The following PLXNA1 variants were observed in gnomAD, a reference collection of about 807,000 sequenced individuals.
PLXNA1 encodes plexin A1.
In PLXNA1, 77 loss-of-function variants were observed where a neutral mutation model predicts 191.7. The ratio of observed to expected loss-of-function variants is 0.40; its 90% CI spans 0.33 to 0.49. The LOEUF is 0.49. Among genes scored for constraint, PLXNA1 ranks in the 20% least tolerant of loss-of-function variants. The pLI is 0.63. For missense variants in PLXNA1, 2,110 were observed against 2,660.2 expected, an observed-to-expected ratio of 0.79 and a Z score of 4.55; for synonymous variants, 1,137 against 1,156.4, an observed-to-expected ratio of 0.98 and a Z score of 0.34.
intron 1 of PLXNA1, among the ~76,000 whole-genome samples, chr3:126,986,677 G>A (rs116712946): frequency 1.1e-3 from 168 of 152,284 alleles, no homozygotes; most frequent in Middle Eastern, 6.8e-3. Context: ...CATTCTGGCC[G>A]GGAGAATGGG....
Position 127,014,409 on chromosome 3 carries a change from C to A in PLXNA1, c.2604+34C>A, listed in dbSNP as rs781147013. ...CCCAGCCCTGCCCCCACACCCCATG[C>A]CCCGCCCTGCACCACCGCACACCCT... On this transcript the variant is annotated intron_variant, in intron 12 of 31. Transcript: ENST00000393409. 3.8e-6 allele frequency: 6 copies of A among 1,568,936 alleles called. No homozygotes were observed. In the Admixed American group the frequency reaches 5.3e-5, roughly 14 times the overall value.
chr3:127,006,942 G>A (rs982644388), intron 8 of PLXNA1, among the ~76,000 whole-genome samples: 3 of 152,238 alleles, frequency 2.0e-5, no homozygotes, highest in African/African-American at 7.2e-5. Context: ...CTCAGAGACA[G>A]GAGGTGCGTG....
chr3:127,029,558 G>A (rs752688050), intron 27 of PLXNA1, 22 bp downstream of exon 27: 27 of 1,608,724 alleles, frequency 1.7e-5, no homozygotes, highest in African/African-American at 2.7e-5. Flanking sequence ...GGCAGCGGGC[G>A]AGAGGGCAGC....
chr3:127,005,291 G>A (rs1198807747), intron 7 of PLXNA1, 48 bp downstream of exon 7: 3 of 1,559,032 alleles, frequency 1.9e-6, no homozygotes, highest in African/African-American at 2.7e-5. Flanking sequence ...CAGGTCCAGG[G>A]CTGCAATCCA....
Position 127,034,404 on chromosome 3 carries a change from G to A in PLXNA1, c.*387G>A, listed in dbSNP as rs2079228987. 5.7e-6 allele frequency: 1 copy of A among 175,880 alleles called. No homozygotes were observed. Among genetic ancestry groups the A allele is most frequent in the Non-Finnish European group, 1.2e-5 (1 of 83,666 alleles). 10.9% of individuals were successfully genotyped at this position (175,880 alleles called of 1,614,324 possible). On this transcript the variant is annotated 3_prime_UTR_variant, in exon 32 of 32. Coordinates refer to ENST00000393409, the MANE Select transcript of PLXNA1 (RefSeq NM_032242.4). Reference sequence around the variant, plus strand: ...GGTAGCCAGCTTGGGCTGTCCCCTTGAGACCAGGACAAGAGGCTGGGGGTG... The same window carrying A: ...GGTAGCCAGCTTGGGCTGTCCCCTTAAGACCAGGACAAGAGGCTGGGGGTG...
intron 3 of PLXNA1, among the ~76,000 whole-genome samples, chr3:126,995,854 C>G (rs943668464): frequency 4.6e-5 from 7 of 152,212 alleles, no homozygotes; most frequent in African/African-American, 9.6e-5. Context: ...TTGGGTGCAT[C>G]TGGGCATACC....
intron 2 of PLXNA1, among the ~76,000 whole-genome samples, chr3:126,990,496 G>A (rs1054514770): frequency 6.6e-6 from 1 of 152,228 alleles, no homozygotes; most frequent in African/African-American, 2.4e-5. Flanking sequence ...GGCTCAGAGG[G>A]CACGGGCCTT....
intron 27 of PLXNA1, 26 bp from the exon 28 acceptor site, chr3:127,029,848 C>T (rs138213385): frequency 2.0e-5 from 32 of 1,572,550 alleles, no homozygotes; most frequent in Middle Eastern, 1.9e-4. Context: ...CCAGCCAACG[C>T]GGGCGCTGAC....
Position 127,005,194 on chromosome 3 carries a change from C to T in PLXNA1, c.1848C>T (p.His616=). 6.2e-7 allele frequency: 1 copy of T among 1,612,104 alleles called. No individual in the cohort carries two copies. Among genetic ancestry groups the T allele is most frequent in the Non-Finnish European group, 8.5e-7 (1 of 1,179,724 alleles). The change falls in exon 7 of 32, where the codon CAC becomes CAT. Residue 616 remains histidine, a synonymous_variant. Coordinates refer to ENST00000393409, the MANE Select transcript of PLXNA1 (RefSeq NM_032242.4). ...SESVLEDGRI[H]CRSPSAREVA... Reference sequence around the variant, plus strand: ...GCGTCCTGGAGGATGGCCGGATCCACTGCCGCTCACCCTCCGCCCGGGAGG... The same window carrying T: ...GCGTCCTGGAGGATGGCCGGATCCATTGCCGCTCACCCTCCGCCCGGGAGG...
Position 127,014,351 on chromosome 3 carries a change from C to T in PLXNA1, c.2580C>T (p.Arg860=), listed in dbSNP as rs769364675. ...SWMHARHGSS[R]CTDPKILKLS... is the part of the protein sequence containing the mutation. ...TGCACGCGCGTCACGGCAGCAGTCGCTGCACCGACCCCAAGATCCTCAAGG... is the reference window on the plus strand; with the variant it reads ...TGCACGCGCGTCACGGCAGCAGTCGTTGCACCGACCCCAAGATCCTCAAGG... Residue 860 remains arginine (R), a synonymous_variant, in exon 12 of 32, where the codon CGC becomes CGT. Transcript: ENST00000393409. The T allele has an allele frequency of 1.3e-6, 2 of 1,594,188 alleles. No individual in the cohort carries two copies. The highest frequency in any genetic ancestry group is 1.7e-5 in the Admixed American group (1 of 59,370).
rs1346443256 is a variant in PLXNA1 at position 127,017,005 on chromosome 3, C to T, written c.3244C>T (p.Arg1082Trp). 6 of 1,613,524 alleles carry T rather than the reference C, an allele frequency of 3.7e-6. No individual in the cohort carries two copies. The highest frequency in any genetic ancestry group is 4.2e-6 in the Non-Finnish European group (5 of 1,179,946). Residue 1082 changes from arginine to tryptophan, a missense_variant, in exon 17 of 32, where the codon CGG becomes TGG. By Grantham distance (101) the Arg-to-Trp change is moderately radical. Transcript: ENST00000393409. ...NLATVREPRIRAKYGGIEREN... is the reference protein window; with the variant it reads ...NLATVREPRIWAKYGGIEREN... ...GGCCACTGTCCGTGAACCCCGAATC[C>T]GGGCCAAGTATGGAGGCATTGAGAG...
chr3:127,008,661 C>T (rs757163347), intron 9 of PLXNA1, among the ~76,000 whole-genome samples: 19 of 152,204 alleles, frequency 1.2e-4, no homozygotes, highest in East Asian at 1.9e-4. Flanking sequence ...GTGGACACTC[C>T]GCCTGTTGGC....
chr3:127,028,131 C>T lies in PLXNA1; in HGVS notation c.4509+45C>T, dbSNP rs746005683. ...GTCCTGGGTGCCCTGGTGCCCCCCA[C>T]CCCCCAGTTGTGGGGCTGACGCTGC... On this transcript the variant is annotated intron_variant, in intron 24 of 31. Transcript: ENST00000393409. 2.0e-5 allele frequency: 33 copies of T among 1,612,470 alleles called. No homozygotes were observed. In the Middle Eastern group the frequency reaches 8.2e-4, roughly 40 times the overall value.
At chr3:127,001,814 ACT>A (rs1298906382) in intron 3 of PLXNA1, among the ~76,000 whole-genome samples, 1 of 152,000 alleles carries the variant, frequency 6.6e-6, no homozygotes, top group African/African-American at 2.4e-5. Context: ...CCTCAGAACA[ACT>A]CTGTCTGAGG....
At chr3:127,017,370 A>T in intron 17 of PLXNA1, 55 bp from the exon 18 acceptor site, 1 of 1,575,624 alleles carries the variant, frequency 6.3e-7, no homozygotes, top group Admixed American at 1.7e-5. Flanking sequence ...TGTCACTGGG[A>T]GCTGCCGGGC....
chr3:126,992,672 G>A (rs1431999263), intron 3 of PLXNA1, among the ~76,000 whole-genome samples: 2 of 152,056 alleles, frequency 1.3e-5, no homozygotes, highest in Non-Finnish European at 2.9e-5. Flanking sequence ...TGGGGGCCCA[G>A]CTGCTGATTG....
Position 127,011,953 on chromosome 3 carries a change from C to G in PLXNA1, c.2113-5C>G. 6 of 1,612,084 alleles carry G rather than the reference C, an allele frequency of 3.7e-6. No homozygotes were observed. Among genetic ancestry groups the G allele is most frequent in the Non-Finnish European group, 4.2e-6 (5 of 1,178,614 alleles). Reference sequence around the variant, plus strand: ...CGGGCTCAGCCAAACTCTTCTTATCCCCAGGACTGCCCACAGATCCTGCCC... The same window carrying G: ...CGGGCTCAGCCAAACTCTTCTTATCGCCAGGACTGCCCACAGATCCTGCCC... On this transcript the variant is annotated splice_region_variant and splice_polypyrimidine_tract_variant and intron_variant, in intron 9 of 31. Coordinates refer to ENST00000393409, the MANE Select transcript of PLXNA1 (RefSeq NM_032242.4).
chr3:127,032,479 TG>T lies in PLXNA1; in HGVS notation c.5326del (p.Val1776TrpfsTer56). On this transcript the variant is annotated frameshift_variant, in exon 30 of 32. Coordinates refer to ENST00000393409, the MANE Select transcript of PLXNA1 (RefSeq NM_032242.4). LOFTEE classifies it high-confidence loss of function. ...AGCATCACGGACGCCTGCTTGTCGG[TG>T]GTGGCCCAGACCTTCATGGACTCCT... ...KNSITDACLS[V>X]VAQTFMDSCS... 1 of 1,614,070 alleles carries T rather than the reference TG, an allele frequency of 6.2e-7. No homozygotes were observed. The highest frequency in any genetic ancestry group is 8.5e-7 in the Non-Finnish European group (1 of 1,180,018).
At chr3:127,020,796 G>A (rs529120234) in intron 21 of PLXNA1, among the ~76,000 whole-genome samples, 1 of 152,192 alleles carries the variant, frequency 6.6e-6, no homozygotes, top group Non-Finnish European at 1.5e-5. Flanking sequence ...GCGAAGCCTC[G>A]CTGGGCAGGG....
Sources: allele counts gnomAD v4.1 joint callset (sites outside exome capture counted in the v4.1 genomes callset), GRCh38; gene constraint gnomAD v4.1.1; transcripts MANE v1.5; gene names NCBI Gene and HGNC (gene_info 2026-07-23, HGNC 2026-07-21).